Variants in SSBP2 observed in about 807,000 individuals in gnomAD.
SSBP2 encodes single stranded DNA binding protein 2.
A neutral mutation model predicts 61.8 loss-of-function variants in SSBP2; 17 were observed. That is an observed-to-expected ratio of 0.28 (90% CI 0.19 to 0.41). The LOEUF (loss-of-function observed/expected upper bound fraction) is 0.41, where lower values mean the gene tolerates loss of function less well. Ranked by LOEUF, SSBP2 falls within the 10% of genes least tolerant of loss-of-function variation. SSBP2 has a pLI of 1.00. For missense variants in SSBP2, 310 were observed against 458.7 expected (o/e 0.68, Z 2.96); for synonymous variants, 139 against 141.3 (o/e 0.98, Z 0.12).
intron 1 of SSBP2, among the ~76,000 whole-genome samples, chr5:81,664,135 T>C (rs970531841): frequency 6.6e-6 from 1 of 151,474 alleles, no homozygotes; most frequent in Non-Finnish European, 1.5e-5. Context: ...TTTTGTTTTT[T>C]TTTTTGAGAC....
At chr5:81,699,362 A>T (rs562298052) in intron 1 of SSBP2, among the ~76,000 whole-genome samples, 1 of 152,368 alleles carries the variant, frequency 6.6e-6, no homozygotes, top group East Asian at 1.9e-4. Context: ...ACTTCTTTCA[A>T]AATTGGAGTC....
At chr5:81,437,519 C>T (rs1376412857) in intron 14 of SSBP2, 61 bp from the exon 15 acceptor site, 2 of 1,399,552 alleles carry the variant, frequency 1.4e-6, no homozygotes, top group African/African-American at 1.4e-5. Context: ...AAATTAAACA[C>T]TCCTTTAATT....
At chr5:81,446,426 G>A (rs1327894819) in intron 12 of SSBP2, among the ~76,000 whole-genome samples, 1 of 150,756 alleles carries the variant, frequency 6.6e-6, no homozygotes, top group Non-Finnish European at 1.5e-5. Flanking sequence ...GACATGTAGG[G>A]TAAATAATAC....
chr5:81,586,727 G>C (rs1775085329), intron 4 of SSBP2, among the ~76,000 whole-genome samples: 1 of 151,436 alleles, frequency 6.6e-6, no homozygotes, highest in South Asian at 2.1e-4. Context: ...GGGGAACTTT[G>C]ATTTAGGAAG....
chr5:81,461,520 A>C (rs1025384996), intron 9 of SSBP2, among the ~76,000 whole-genome samples: 5 of 152,106 alleles, frequency 3.3e-5, no homozygotes, highest in African/African-American at 1.2e-4. Context: ...GTAAAACATC[A>C]ATATATGTAA....
chr5:81,498,232 T>C (rs1337836070), intron 5 of SSBP2, among the ~76,000 whole-genome samples: 1 of 152,042 alleles, frequency 6.6e-6, no homozygotes, highest in African/African-American at 2.4e-5. Context: ...AAAATGGTTA[T>C]TTGCCAAAAA....
Position 81,464,786 on chromosome 5 carries a change from T to A in SSBP2, c.638+2188A>T, listed in dbSNP as rs576179838. ...AGGTAACACCTTTCTAATGCCTTTT[T>A]CTTCCATTTTTAAGGAATATGCAAA... On this transcript the variant is annotated intron_variant, in intron 9 of 16. Transcript: ENST00000320672. 1.2e-4 allele frequency among the ~76,000 whole-genome samples: 19 copies of A among 152,276 alleles called. No homozygotes were observed. The East Asian group carries it at 3.5e-3, about 28-fold the overall frequency.
In SSBP2 at chr5:81,670,070, T is replaced by C. The variant is rs145273437; in HGVS notation, c.63-19731A>G. Among the ~76,000 whole-genome samples the C allele has an allele frequency of 3.2e-3, 482 of 152,266 alleles. 3 individuals carry two copies. The highest frequency in any genetic ancestry group is 0.011 in the African/African-American group (460 of 41,566). ...TTTAGGGCAGTGAAACTACCTTGTA[T>C]GCTACTACAATGGTAAATACATGCC... On this transcript the variant is annotated intron_variant, in intron 1 of 16. Coordinates refer to ENST00000320672, the MANE Select transcript of SSBP2 (RefSeq NM_012446.5).
intron 4 of SSBP2, among the ~76,000 whole-genome samples, chr5:81,556,180 T>C (rs888717831): frequency 6.6e-6 from 1 of 152,148 alleles, no homozygotes; most frequent in Admixed American, 6.6e-5. Flanking sequence ...ATTATCTTTA[T>C]ATATTATCTT....
intron 4 of SSBP2, among the ~76,000 whole-genome samples, chr5:81,581,452 G>GAGCCA (rs917078861): frequency 1.3e-5 from 2 of 152,234 alleles, no homozygotes; most frequent in African/African-American, 4.8e-5. Flanking sequence ...GAAACCTGCA[G>GAGCCA]AGCCAAGAGG....
At chr5:81,420,558 T>G (rs1397471033) in intron 16 of SSBP2, 25 bp from the exon 17 acceptor site, 1 of 1,604,182 alleles carries the variant, frequency 6.2e-7, no homozygotes, top group Non-Finnish European at 8.5e-7. Flanking sequence ...GAATCCATAT[T>G]TTAACAACAA....
rs74596641 is a variant in SSBP2, at chr5:81,440,086, T to C, written c.928+472A>G. Among the ~76,000 whole-genome samples, 786 of 152,234 alleles carry C rather than the reference T, an allele frequency of 5.2e-3. 2 individuals are homozygous for C. The highest frequency in any genetic ancestry group is 0.018 in the African/African-American group (729 of 41,548). ...AATTATCCAGAATATGATTAACAATTTTATGTTAAAAAGGAGGCAAACATA... is the reference window on the plus strand; with the variant it reads ...AATTATCCAGAATATGATTAACAATCTTATGTTAAAAAGGAGGCAAACATA... On this transcript the variant is annotated intron_variant, in intron 14 of 16. Transcript: ENST00000320672.
At chr5:81,709,652 A>C (rs1754635932) in intron 1 of SSBP2, among the ~76,000 whole-genome samples, 1 of 151,934 alleles carries the variant, frequency 6.6e-6, no homozygotes, top group Admixed American at 6.6e-5. Flanking sequence ...ATATATATAG[A>C]AAGGAAAAAA....
At chr5:81,748,223 ATG>A (rs1022575798) in intron 1 of SSBP2, among the ~76,000 whole-genome samples, 3 of 152,222 alleles carry the variant, frequency 2.0e-5, no homozygotes, top group African/African-American at 7.2e-5. Flanking sequence ...CTTTTGCAGA[ATG>A]TTTTTGTTAA....
intron 1 of SSBP2, among the ~76,000 whole-genome samples, chr5:81,735,341 TAC>T (rs1756528317): frequency 1.3e-5 from 2 of 152,216 alleles, no homozygotes; most frequent in Non-Finnish European, 2.9e-5. Flanking sequence ...TAAATTTAAA[TAC>T]AGTCATCCTT....
intron 8 of SSBP2, among the ~76,000 whole-genome samples, chr5:81,473,213 C>G (rs969996963): frequency 6.6e-6 from 1 of 152,106 alleles, no homozygotes; most frequent in African/African-American, 2.4e-5. Context: ...GGTTTCTGCA[C>G]TGATTTTTCT....
intron 5 of SSBP2, among the ~76,000 whole-genome samples, chr5:81,496,604 T>C (rs1247919653): frequency 6.6e-6 from 1 of 152,220 alleles, no homozygotes; most frequent in Non-Finnish European, 1.5e-5. Context: ...AATTGCTCAC[T>C]TGAAGTTTTG....
rs114363558 is a variant in SSBP2 at position 81,606,843 on chromosome 5, T to C, written c.282+8630A>G. Among the ~76,000 whole-genome samples the C allele has an allele frequency of 1.7e-3, 252 of 152,282 alleles. 1 individual carries two copies. Among genetic ancestry groups the C allele is most frequent in the African/African-American group, 5.8e-3 (242 of 41,572 alleles). On this transcript the variant is annotated intron_variant, in intron 4 of 16. Transcript: ENST00000320672. ...CTGGTCTGGAAAAGATAAGGCTATA[T>C]AGGTAGGTGGCCCATGATAAAACAG...
At chr5:81,500,071 A>G (rs1362531359) in intron 5 of SSBP2, among the ~76,000 whole-genome samples, 1 of 152,190 alleles carries the variant, frequency 6.6e-6, no homozygotes. Context: ...GGCTGGTTAT[A>G]TATGTTTTTA....
Sources: allele counts gnomAD v4.1 joint callset (sites outside exome capture counted in the v4.1 genomes callset), GRCh38; gene constraint gnomAD v4.1.1; transcripts MANE v1.5; gene names NCBI Gene and HGNC (gene_info 2026-07-23, HGNC 2026-07-21).